The following ANKRD11 variants were observed in gnomAD, a reference collection of about 807,000 sequenced individuals.
ANKRD11 encodes the protein ankyrin repeat domain-containing protein 11.
ANKRD11 carries 17 observed loss-of-function variants against 195.7 expected under a neutral mutation model. The observed-to-expected ratio is 0.09, with a 90% confidence interval of 0.06 to 0.13. The LOEUF (loss-of-function observed/expected upper bound fraction) is 0.13, where lower values mean the gene tolerates loss of function less well. Ranked by LOEUF, ANKRD11 falls within the 10% of genes least tolerant of loss-of-function variation. ANKRD11 has a pLI of 1.00. For synonymous variants in ANKRD11, 1,953 were observed against 1,528.1 expected (o/e 1.28, Z -6.49); for missense variants, 3,735 against 3,566.1 (o/e 1.05, Z -1.21).
chr16:89,311,077 T>C (rs2036583128), intron 3 of ANKRD11, among the ~76,000 whole-genome samples: 1 of 152,242 alleles, frequency 6.6e-6, no homozygotes, highest in South Asian at 2.1e-4. Context: ...CTATTCCTAG[T>C]TTGCAGAATT....
chr16:89,339,206 T>C (rs2038534188), intron 2 of ANKRD11, among the ~76,000 whole-genome samples: 1 of 152,264 alleles, frequency 6.6e-6, no homozygotes, highest in Non-Finnish European at 1.5e-5. Context: ...AGGTCCATTT[T>C]TCAGTCCATT....
rs150497848 is a variant in ANKRD11, at chr16:89,291,104, C to A, written c.306G>T (p.Leu102=). Reference sequence around the variant, plus strand: ...GGGGGTAGCCGGCTCGGATTCCAGACAGCCCCATGCCAAACAGCAGCCCGG... The same window carrying A: ...GGGGGTAGCCGGCTCGGATTCCAGAAAGCCCCATGCCAAACAGCAGCCCGG... ...RKAGLLFGMG[L]SGIRAGYPLS... The change falls in exon 5 of 13, where the codon CTG becomes CTT. Residue 102 remains leucine, a synonymous_variant. Coordinates refer to ENST00000301030, the MANE Select transcript of ANKRD11 (RefSeq NM_013275.6). The surrounding 1 kb of genome is among the most constrained non-coding windows in gnomAD (Gnocchi z 5.3). The A allele has an allele frequency of 1.9e-6, 3 of 1,613,920 alleles. No individual in the cohort carries two copies. The Admixed American group carries it at 5.0e-5, about 27-fold the overall frequency.
intron 2 of ANKRD11, among the ~76,000 whole-genome samples, chr16:89,330,861 T>C (rs926141412): frequency 3.9e-5 from 6 of 152,196 alleles, no homozygotes; most frequent in African/African-American, 7.2e-5. Flanking sequence ...CCAGTGGCTT[T>C]TGATTAAAAC....
At chr16:89,439,653 T>C (rs890089749) in intron 1 of ANKRD11, among the ~76,000 whole-genome samples, 1 of 151,986 alleles carries the variant, frequency 6.6e-6, no homozygotes, top group African/African-American at 2.4e-5. Flanking sequence ...GAAAAGCTTG[T>C]TCTATTCTTC....
chr16:89,326,779 G>C (rs987212670), intron 2 of ANKRD11, among the ~76,000 whole-genome samples: 1 of 152,048 alleles, frequency 6.6e-6, no homozygotes, highest in Non-Finnish European at 1.5e-5. Flanking sequence ...AACACAACCG[G>C]GGCATGAAAA....
chr16:89,416,247 T>G (rs552275575), intron 2 of ANKRD11, among the ~76,000 whole-genome samples: 13 of 152,104 alleles, frequency 8.5e-5, no homozygotes, highest in Admixed American at 7.9e-4. Context: ...GTCAGCAGAG[T>G]TGCTGATAGC....
Position 89,284,155 on chromosome 16 carries a change from T to A in ANKRD11, c.2387A>T (p.Lys796Ile). 6.2e-7 allele frequency: 1 copy of A among 1,604,700 alleles called. No homozygotes were observed. The change falls in exon 9 of 13, where the codon AAA becomes ATA. Residue 796 changes from lysine (K) to isoleucine (I), a missense_variant. Physicochemically the swap from Lys to Ile is moderately radical, Grantham distance 102. Transcript: ENST00000301030. Reference protein sequence around the residue: ...KISKEKEKIFKEDKEKLKKEK... With the variant: ...KISKEKEKIFIEDKEKLKKEK... The stretch of plus-strand genomic sequence containing the variant: ...TTTTTTGAGTTTTTCTTTATCTTCT[T>A]TAAAAATCTTCTCCTTCTCTTTTGA...
intron 1 of ANKRD11, among the ~76,000 whole-genome samples, chr16:89,438,536 T>G (rs1260762279): frequency 6.6e-6 from 1 of 152,100 alleles, no homozygotes; most frequent in African/African-American, 2.4e-5. Context: ...TTCACTAGGT[T>G]GGGCCAGGCT....
At chr16:89,315,285 G>C (rs182502982) in intron 3 of ANKRD11, among the ~76,000 whole-genome samples, 2 of 152,172 alleles carry the variant, frequency 1.3e-5, no homozygotes, top group African/African-American at 4.8e-5. Flanking sequence ...CGTGAATGCT[G>C]AGTCCCAGGA....
chr16:89,450,095 AT>A (rs1363152006), intron 1 of ANKRD11, among the ~76,000 whole-genome samples: 1 of 152,176 alleles, frequency 6.6e-6, no homozygotes, highest in Non-Finnish European at 1.5e-5. Flanking sequence ...GTGTTACTGA[AT>A]GTGTCACACT....
intron 7 of ANKRD11, 44 bp downstream of exon 7, chr16:89,288,484 A>G (rs1471610717): frequency 1.2e-5 from 20 of 1,613,756 alleles, no homozygotes; most frequent in Non-Finnish European, 1.6e-5. Flanking sequence ...AACCACCCAG[A>G]TGCCAGGACA....
At chr16:89,424,372 C>T (rs1567785426) in intron 1 of ANKRD11, among the ~76,000 whole-genome samples, 1 of 151,054 alleles carries the variant, frequency 6.6e-6, no homozygotes, top group South Asian at 2.1e-4. Context: ...ACCCAGGAGA[C>T]GGAGGTTGCA....
At chr16:89,468,029 C>G (rs2056944178) in intron 1 of ANKRD11, among the ~76,000 whole-genome samples, 2 of 152,156 alleles carry the variant, frequency 1.3e-5, no homozygotes, top group South Asian at 4.1e-4. Context: ...GTCTTGAACT[C>G]CTGGCCTCAA....
intron 1 of ANKRD11, among the ~76,000 whole-genome samples, chr16:89,421,012 G>A (rs933369870): frequency 3.3e-5 from 5 of 152,270 alleles, no homozygotes; most frequent in African/African-American, 1.2e-4. Flanking sequence ...ACAGGCCTGT[G>A]GAGGCTGAGT....
At chr16:89,290,181 G>C (rs896019783) in intron 6 of ANKRD11, among the ~76,000 whole-genome samples, 1 of 152,354 alleles carries the variant, frequency 6.6e-6, no homozygotes, top group East Asian at 1.9e-4. Flanking sequence ...CACCCCACGA[G>C]GCCACAGCCC....
At chr16:89,346,494 T>A (rs2038948533) in intron 2 of ANKRD11, among the ~76,000 whole-genome samples, 1 of 152,120 alleles carries the variant, frequency 6.6e-6, no homozygotes, top group Non-Finnish European at 1.5e-5. Context: ...ACAACAGTCA[T>A]CCAAACTTGA....
intron 1 of ANKRD11, among the ~76,000 whole-genome samples, chr16:89,444,329 A>G (rs1349355551): frequency 6.6e-6 from 1 of 152,026 alleles, no homozygotes; most frequent in Non-Finnish European, 1.5e-5. Context: ...CTGAACCACA[A>G]CTCTGAACAG....
intron 9 of ANKRD11, chr16:89,278,711 CAG>C (rs1479344075): frequency 1.2e-5 from 6 of 493,734 alleles, no homozygotes; most frequent in Admixed American, 6.9e-5. Context: ...GCAGGAGACA[CAG>C]GGGGTGGCTC....
At chr16:89,457,289 T>C (rs988988176) in intron 1 of ANKRD11, among the ~76,000 whole-genome samples, 1 of 150,224 alleles carries the variant, frequency 6.7e-6, no homozygotes, top group South Asian at 2.1e-4. Flanking sequence ...TAAAGTAGTA[T>C]GTCAGACTCA....
Sources: gnomAD v4.1 joint callset for allele counts (sites outside exome capture counted in the v4.1 genomes callset) on GRCh38, gnomAD v4.1.1 for gene constraint, Gnocchi (gnomAD v3.1) non-coding constraint, MANE v1.5 for transcripts, NCBI Gene and HGNC (gene_info 2026-07-23, HGNC 2026-07-21) for gene names.